Variants in OSBPL7 observed in about 807,000 individuals in gnomAD.
OSBPL7 encodes the protein oxysterol binding protein like 7.
A neutral mutation model predicts 115.8 loss-of-function variants in OSBPL7; 66 were observed. The observed-to-expected ratio is 0.57, with a 90% confidence interval of 0.47 to 0.70. The LOEUF (loss-of-function observed/expected upper bound fraction) is 0.70. Ranked by LOEUF, OSBPL7 falls within the 30% of genes least tolerant of loss-of-function variation. The probability of loss-of-function intolerance (pLI) is 0.00; values close to 1 mark genes in which losing one functional copy is unlikely to be tolerated. For missense variants in OSBPL7, 902 were observed against 1,125.5 expected, an observed-to-expected ratio of 0.80 and a Z score of 2.84; for synonymous variants, 441 against 439.2, an observed-to-expected ratio of 1.00 and a Z score of -0.05.
In OSBPL7 at chr17:47,809,411, A is replaced by G; in HGVS notation, c.1948T>C (p.Trp650Arg). ...AGCACCTCCCCATAGTGCTCGATCC[A>G]GCGCTGACCACTCAGGACATTGTGA... is the stretch of plus-strand genomic sequence containing the variant. ...CIHNVLSGQR[W>R]IEHYGEVLIR... The change falls in exon 19 of 23, where the codon TGG becomes CGG. Residue 650 changes from tryptophan (W) to arginine (R), a missense_variant. This residue lies in a region of OSBPL7 where 230 missense variants were observed against 312.7 expected (regional missense o/e 0.74). Coordinates refer to ENST00000007414, the MANE Select transcript of OSBPL7 (RefSeq NM_145798.3). The G allele has an allele frequency of 3.1e-6, 5 of 1,614,190 alleles. No individual in the cohort carries two copies. Among genetic ancestry groups the G allele is most frequent in the South Asian group, 1.1e-5 (1 of 91,088 alleles).
intron 14 of OSBPL7, among the ~76,000 whole-genome samples, chr17:47,814,218 G>A (rs1278647563): frequency 1.3e-5 from 2 of 152,226 alleles, no homozygotes; most frequent in Non-Finnish European, 2.9e-5. Flanking sequence ...TAAAATGAGA[G>A]GTCCAGAGCC....
chr17:47,809,231 G>A lies in OSBPL7; in HGVS notation c.2026-11C>T, dbSNP rs747306536. 18 of 1,613,918 alleles carry A rather than the reference G, an allele frequency of 1.1e-5. No individual in the cohort carries two copies. Among genetic ancestry groups the A allele is most frequent in the Non-Finnish European group, 1.4e-5 (16 of 1,180,024 alleles). On this transcript the variant is annotated splice_polypyrimidine_tract_variant and intron_variant, in intron 19 of 22. Coordinates refer to ENST00000007414, the MANE Select transcript of OSBPL7 (RefSeq NM_145798.3). Reference sequence around the variant, plus strand: ...ACTCCAGTACTTGGCCTGGGGTGGGGAAGGCAGGGTTTAGGGAGGTGTCCC... The same window carrying A: ...ACTCCAGTACTTGGCCTGGGGTGGGAAAGGCAGGGTTTAGGGAGGTGTCCC...
rs1436610380 is a variant in OSBPL7 at position 47,813,769 on chromosome 17, G to A, written c.1417C>T (p.Pro473Ser). 4.3e-6 allele frequency: 7 copies of A among 1,612,946 alleles called. No individual in the cohort carries two copies. The highest frequency in any genetic ancestry group is 5.1e-6 in the Non-Finnish European group (6 of 1,179,900). ...TTCCACAGGCTCACGTCAGCCCCAG[G>A]CCCGCTGGCCGCCGGCAGGCAGCGA... is the stretch of plus-strand genomic sequence containing the variant. ...RRRCLPAASG[P>S]GADVSLWNIL... The change falls in exon 15 of 23, where the codon CCT becomes TCT. Residue 473 changes from proline (P) to serine (S), a missense_variant. Transcript: ENST00000007414.
chr17:47,811,244 C>T (rs942207606), intron 16 of OSBPL7, among the ~76,000 whole-genome samples: 4 of 151,986 alleles, frequency 2.6e-5, no homozygotes, highest in African/African-American at 4.8e-5. Context: ...ACCTCCACCC[C>T]ACACCCTTGG....
chr17:47,819,648 C>G lies in OSBPL7; in HGVS notation c.255+81G>C. 3 of 1,539,814 alleles carry G rather than the reference C, an allele frequency of 1.9e-6. No individual in the cohort carries two copies. The South Asian group carries it at 3.4e-5, about 17-fold the overall frequency. On this transcript the variant is annotated intron_variant, in intron 4 of 22. Transcript: ENST00000007414. Reference sequence around the variant, plus strand: ...CCTGGGATTCAGACCCTGCTCTGGTCGATTCCAGATACCCCATGCCTGCCC... The same window carrying G: ...CCTGGGATTCAGACCCTGCTCTGGTGGATTCCAGATACCCCATGCCTGCCC...
chr17:47,814,494 C>CA, intron 14 of OSBPL7, 27 bp downstream of exon 14: 2 of 1,515,860 alleles, frequency 1.3e-6, no homozygotes, highest in Non-Finnish European at 1.8e-6. Flanking sequence ...CCTCCCACCC[C>CA]TCCCTGCCTG....
chr17:47,821,216 A>G (rs1567946608), intron 1 of OSBPL7, among the ~76,000 whole-genome samples: 1 of 152,068 alleles, frequency 6.6e-6, no homozygotes, highest in Non-Finnish European at 1.5e-5. Context: ...GAGGCTCTGC[A>G]TGTGTGAGAC....
intron 4 of OSBPL7, chr17:47,819,501 C>G (rs148807868): frequency 1.6e-6 from 1 of 610,794 alleles, no homozygotes; most frequent in Non-Finnish European, 2.9e-6. Flanking sequence ...GAGCCTTGTA[C>G]GTATGACCTC....
rs763832299 is a variant in OSBPL7, at chr17:47,813,784, G to A, written c.1402C>T (p.Pro468Ser). The stretch of plus-strand genomic sequence containing the variant: ...TCAGCCCCAGGCCCGCTGGCCGCCG[G>A]CAGGCAGCGACGGCGGGGTGGCCCC... ...PMGPPRRRCL[P>S]AASGPGADVS... is the part of the protein sequence containing the mutation. The change falls in exon 15 of 23, where the codon CCG becomes TCG. Residue 468 changes from proline (P) to serine (S), a missense_variant. Coordinates refer to ENST00000007414, the MANE Select transcript of OSBPL7 (RefSeq NM_145798.3). 4 of 1,612,794 alleles carry A rather than the reference G, an allele frequency of 2.5e-6. No homozygotes were observed. The highest frequency in any genetic ancestry group is 3.4e-6 in the Non-Finnish European group (4 of 1,179,858).
rs1247995329 is a variant in OSBPL7 at position 47,819,712 on chromosome 17, C to T, written c.255+17G>A. 2.5e-6 allele frequency: 4 copies of T among 1,614,022 alleles called. No homozygotes were observed. Among genetic ancestry groups the T allele is most frequent in the Non-Finnish European group, 2.5e-6 (3 of 1,179,994 alleles). On this transcript the variant is annotated intron_variant, in intron 4 of 22. Transcript: ENST00000007414. ...GCCAGACTCCTCCCACAACCCCAAG[C>T]CACTGCCCGGGCTCACGTCTTGCCG...
rs1341492129 is a variant in OSBPL7, at chr17:47,817,320, C to T, written c.638G>A (p.Arg213Lys). ...ECQGKLQELH[R>K]LLQSLESLHR... Reference sequence around the variant, plus strand: ...CAGGGACTCCAGGCTCTGGAGGAGCCTGTGTAGTTCCTGGAGCTTCCCCTG... The same window carrying T: ...CAGGGACTCCAGGCTCTGGAGGAGCTTGTGTAGTTCCTGGAGCTTCCCCTG... The change falls in exon 8 of 23, where the codon AGG (arginine) becomes AAG (lysine). Residue 213 changes from arginine to lysine, a missense_variant. Around this residue, in one of 3 missense-constraint regions of OSBPL7, gnomAD observed 667 missense variants for 788.7 expected, o/e 0.85. Coordinates refer to ENST00000007414, the MANE Select transcript of OSBPL7 (RefSeq NM_145798.3). The T allele has an allele frequency of 6.2e-7, 1 of 1,604,942 alleles. No individual in the cohort carries two copies. The highest frequency in any genetic ancestry group is 1.1e-5 in the South Asian group (1 of 89,444).
Position 47,816,295 on chromosome 17 carries a change from A to T in OSBPL7, c.1023+93T>A. ...CAGAGACTGCCTCTGCCAACCCCCC[A>T]CCCTGACCCAGATCTGCTATCGGAC... On this transcript the variant is annotated intron_variant, in intron 11 of 22. Transcript: ENST00000007414. The surrounding 1 kb of genome is among the most constrained non-coding windows in gnomAD (Gnocchi z 5.8). 3 of 1,485,544 alleles carry T rather than the reference A, an allele frequency of 2.0e-6. No individual in the cohort carries two copies. The highest frequency in any genetic ancestry group is 2.7e-6 in the Non-Finnish European group (3 of 1,105,072). The allele number at this position is 1,485,544 out of a possible 1,614,324, so 92.0% of individuals were successfully genotyped here.
At position 47,809,381 on chromosome 17, in the gene OSBPL7, G is replaced by A. The variant is rs2032963981; in HGVS notation, c.1978C>T (p.Arg660Ter). The change falls in exon 19 of 23, where the codon CGA becomes TGA. Residue 660 changes from arginine (R) to a stop codon, truncating the protein, a stop_gained. Transcript: ENST00000007414. LOFTEE classifies it high-confidence loss of function. ...WIEHYGEVLIRNTQDSSCHCK... is the reference protein window; with the variant it reads ...WIEHYGEVLI The stretch of plus-strand genomic sequence containing the variant: ...TGGCAGGAGCTGTCCTGTGTGTTTC[G>A]GATGAGCACCTCCCCATAGTGCTCG... 2.5e-6 allele frequency: 4 copies of A among 1,614,136 alleles called. No individual in the cohort carries two copies. Among genetic ancestry groups the A allele is most frequent in the Non-Finnish European group, 3.4e-6 (4 of 1,180,016 alleles).
At position 47,816,425 on chromosome 17, in the gene OSBPL7, C is replaced by A. The variant is rs866959343; in HGVS notation, c.986G>T (p.Arg329Met). 1 of 1,540,944 alleles carries A rather than the reference C, an allele frequency of 6.5e-7. No homozygotes were observed. The highest frequency in any genetic ancestry group is 1.2e-5 in the South Asian group (1 of 81,332). Residue 329 changes from arginine to methionine, a missense_variant, in exon 11 of 23, where the codon AGG becomes ATG. Physicochemically the swap from Arg to Met is moderately conservative, Grantham distance 91 (BLOSUM62 -1). Around this residue, in one of 3 missense-constraint regions of OSBPL7, gnomAD observed 667 missense variants for 788.7 expected, o/e 0.85. Transcript: ENST00000007414. The surrounding 1 kb of genome is among the most constrained non-coding windows in gnomAD (Gnocchi z 5.8). The stretch of plus-strand genomic sequence containing the variant: ...CAACTCTGAGCCCTGGTGCATGTCC[C>A]TCAGTTGGTCCCGTTCCATGGTGAG... The part of the protein sequence containing the change: ...AALTMERDQL[R>M]DMHQGSELSR...
At chr17:47,815,400 G>C in intron 12 of OSBPL7, 48 bp from the exon 13 acceptor site, 1 of 1,606,766 alleles carries the variant, frequency 6.2e-7, no homozygotes, top group Admixed American at 1.7e-5. Context: ...CAAGCCGGGG[G>C]GATCAAGCAG....
At chr17:47,813,012 C>T (rs2033090405) in intron 16 of OSBPL7, among the ~76,000 whole-genome samples, 1 of 152,192 alleles carries the variant, frequency 6.6e-6, no homozygotes, top group Non-Finnish European at 1.5e-5. Flanking sequence ...GTACTCCCAG[C>T]TCTCTCCAAT....
intron 5 of OSBPL7, 125 bp from the exon 6 acceptor site, chr17:47,818,741 G>A: frequency 1.1e-6 from 1 of 912,174 alleles, no homozygotes. Flanking sequence ...TTTGTGCAAG[G>A]CTCACTTGCA....
Position 47,814,552 on chromosome 17 carries a change from C to A in OSBPL7, c.1320G>T (p.Leu440=). ...EITTSLSEEM[L]DLRGAERCQK... The stretch of plus-strand genomic sequence containing the variant: ...GACAGCGCTCAGCTCCCCTGAGGTC[C>A]AGCATCTCCTCAGACAGGCTGGTGG... The change falls in exon 14 of 23, where the codon CTG becomes CTT. Residue 440 remains leucine (L), a synonymous_variant. Transcript: ENST00000007414. 1 of 1,613,548 alleles carries A rather than the reference C, an allele frequency of 6.2e-7. No homozygotes were observed. The highest frequency in any genetic ancestry group is 2.2e-5 in the East Asian group (1 of 44,830).
intron 15 of OSBPL7, 91 bp from the exon 16 acceptor site, chr17:47,813,494 A>G (rs2143535840): frequency 2.5e-6 from 4 of 1,595,832 alleles, no homozygotes; most frequent in Non-Finnish European, 3.4e-6. Context: ...AACTTCAGCA[A>G]TAAGGAACAG....
Sources: allele counts gnomAD v4.1 joint callset (sites outside exome capture counted in the v4.1 genomes callset), GRCh38; gene constraint gnomAD v4.1.1; regional missense constraint gnomAD v4.1.1; non-coding constraint Gnocchi (gnomAD v3.1); transcripts MANE v1.5; gene names NCBI Gene and HGNC (gene_info 2026-07-23, HGNC 2026-07-21).